NPAS3: variants seen among roughly 807,000 people sequenced by gnomAD.
The protein encoded by NPAS3 is neuronal PAS domain protein 3.
NPAS3 carries 14 observed loss-of-function variants against 73.1 expected under a neutral mutation model. That is an observed-to-expected ratio of 0.19 (90% CI 0.13 to 0.30). NPAS3 has a LOEUF of 0.30. Ranked by LOEUF, NPAS3 falls within the 10% of genes least tolerant of loss-of-function variation. The pLI is 1.00. For missense variants in NPAS3, 1,096 were observed against 1,250.0 expected (o/e 0.88, Z 1.86); for synonymous variants, 620 against 541.5 (o/e 1.14, Z -2.01).
intron 3 of NPAS3, among the ~76,000 whole-genome samples, chr14:33,356,924 T>C (rs2045363295): frequency 3.9e-5 from 6 of 152,306 alleles, no homozygotes; most frequent in Admixed American, 2.6e-4. Context: ...GTGAAAAGTA[T>C]AAAAATATTG....
chr14:33,386,791 T>G (rs1186469183), intron 4 of NPAS3, among the ~76,000 whole-genome samples: 1 of 152,214 alleles, frequency 6.6e-6, no homozygotes, highest in Non-Finnish European at 1.5e-5. Flanking sequence ...TGCAAGGTAA[T>G]GCCTAACAGT....
intron 2 of NPAS3, among the ~76,000 whole-genome samples, chr14:33,069,007 G>T (rs538822355): frequency 2.6e-5 from 4 of 152,128 alleles, no homozygotes; most frequent in Non-Finnish European, 5.9e-5. Flanking sequence ...GGAGGATTAT[G>T]AATTGAGGAG....
intron 7 of NPAS3, among the ~76,000 whole-genome samples, chr14:33,753,645 T>C (rs2062029976): frequency 6.6e-6 from 1 of 152,192 alleles, no homozygotes; most frequent in African/African-American, 2.4e-5. Context: ...GCCAATACCC[T>C]ACAAAGCAAG....
At chr14:33,488,704 T>C (rs1032647365) in intron 4 of NPAS3, among the ~76,000 whole-genome samples, 3 of 152,182 alleles carry the variant, frequency 2.0e-5, no homozygotes, top group Admixed American at 2.0e-4. Context: ...AGTTGGATGT[T>C]AGCCTGAGCT....
chr14:33,647,290 CTATA>C lies in NPAS3; in HGVS notation c.559-28906_559-28903del, dbSNP rs774453212. Among the ~76,000 whole-genome samples, 1,148 of 147,462 alleles carry C rather than the reference CTATA, an allele frequency of 7.8e-3. 15 individuals are homozygous for C. Among genetic ancestry groups the C allele is most frequent in the African/African-American group, 0.027 (1,051 of 39,090 alleles). On this transcript the variant is annotated intron_variant, in intron 5 of 11. Coordinates refer to ENST00000356141, the Ensembl canonical transcript of NPAS3. ...TCTTACTCTCTCTCTCTCTCTCTCTCTATATATATATATATATAGCCACATGATG... is the reference window on the plus strand; with the variant it reads ...TCTTACTCTCTCTCTCTCTCTCTCTCTATATATATATATAGCCACATGATG...
At chr14:33,038,536 T>TAC (rs1201321972) in intron 1 of NPAS3, among the ~76,000 whole-genome samples, 10 of 99,894 alleles carry the variant, frequency 1.0e-4, no homozygotes, top group Non-Finnish European at 1.5e-4. Flanking sequence ...CACACATATA[T>TAC]ACACATATAT....
chr14:33,118,299 T>A (rs1022171421), intron 2 of NPAS3, among the ~76,000 whole-genome samples: 11 of 152,018 alleles, frequency 7.2e-5, no homozygotes, highest in African/African-American at 2.7e-4. Flanking sequence ...AAAGTATACT[T>A]AAAAGGAAAA....
At chr14:33,489,095 T>A (rs563219237) in intron 4 of NPAS3, among the ~76,000 whole-genome samples, 27 of 152,124 alleles carry the variant, frequency 1.8e-4, no homozygotes, top group Non-Finnish European at 3.4e-4. Flanking sequence ...AGGGTTTTGG[T>A]TTTTTTTCTT....
chr14:33,581,201 C>G (rs751856577), intron 5 of NPAS3, among the ~76,000 whole-genome samples: 3 of 152,106 alleles, frequency 2.0e-5, no homozygotes, highest in Non-Finnish European at 4.4e-5. Flanking sequence ...AATGTGTTAT[C>G]CCCTTCATTT....
intron 2 of NPAS3, among the ~76,000 whole-genome samples, chr14:33,166,364 A>G (rs986947053): frequency 6.6e-6 from 1 of 152,110 alleles, no homozygotes; most frequent in Non-Finnish European, 1.5e-5. Context: ...GAAGCCTTCT[A>G]GTTTTTCCAT....
chr14:33,408,842 TC>T (rs1351198836), intron 4 of NPAS3, among the ~76,000 whole-genome samples: 2 of 152,140 alleles, frequency 1.3e-5, no homozygotes, highest in East Asian at 3.9e-4. Flanking sequence ...TGGTGATGTT[TC>T]ATAGCATGGC....
At chr14:33,374,708 G>T (rs200498817) in intron 4 of NPAS3, among the ~76,000 whole-genome samples, 1 of 148,682 alleles carries the variant, frequency 6.7e-6, no homozygotes, top group South Asian at 2.1e-4. Context: ...TCGGGGCGGG[G>T]GGGGGAGTAG....
chr14:32,991,477 G>T (rs2038333054), intron 1 of NPAS3, among the ~76,000 whole-genome samples: 1 of 152,036 alleles, frequency 6.6e-6, no homozygotes. Flanking sequence ...ACAAGGTAGT[G>T]GTCTCCTGGA....
At chr14:33,348,664 T>C (rs941220530) in intron 3 of NPAS3, among the ~76,000 whole-genome samples, 1 of 152,182 alleles carries the variant, frequency 6.6e-6, no homozygotes, top group Non-Finnish European at 1.5e-5. Flanking sequence ...AAAAGCTCCT[T>C]TGTTCACGTA....
At chr14:33,481,502 C>T (rs2051323457) in intron 4 of NPAS3, among the ~76,000 whole-genome samples, 1 of 152,170 alleles carries the variant, frequency 6.6e-6, no homozygotes, top group Non-Finnish European at 1.5e-5. Context: ...TTCTTCACCT[C>T]TCTAAGAGGA....
chr14:33,797,516 A>G, exon 11 of NPAS3: 1 of 1,614,194 alleles, frequency 6.2e-7, no homozygotes, highest in African/African-American at 1.3e-5. Context: ...CTGCCGGAGA[A>G]AACTTCCGAA....
At chr14:33,156,037 C>T (rs1314609872) in intron 2 of NPAS3, among the ~76,000 whole-genome samples, 1 of 151,916 alleles carries the variant, frequency 6.6e-6, no homozygotes, top group Non-Finnish European at 1.5e-5. Flanking sequence ...TGAACAAAGA[C>T]CAAGGGGGAG....
Position 33,444,889 on chromosome 14 carries a change from G to A in NPAS3, c.468+77621G>A, listed in dbSNP as rs140035439. On this transcript the variant is annotated intron_variant, in intron 4 of 11. Coordinates refer to ENST00000356141, the Ensembl canonical transcript of NPAS3. ...TCCCAACAGATAGTCTAATGCTTGA[G>A]GTTCCCTCATCATCATCTTATCATT... Among the ~76,000 whole-genome samples the A allele has an allele frequency of 9.8e-5, 15 of 152,308 alleles. No individual in the cohort carries two copies. The East Asian group carries it at 2.9e-3, about 29-fold the overall frequency.
intron 6 of NPAS3, among the ~76,000 whole-genome samples, chr14:33,713,346 T>C (rs965616655): frequency 6.6e-6 from 1 of 152,214 alleles, no homozygotes; most frequent in Non-Finnish European, 1.5e-5. Context: ...CTTAGTTAAG[T>C]TGGTAGCAAT....
Sources: allele counts gnomAD v4.1 joint callset (sites outside exome capture counted in the v4.1 genomes callset), GRCh38; gene constraint gnomAD v4.1.1; transcripts MANE v1.5; gene names NCBI Gene and HGNC (gene_info 2026-07-23, HGNC 2026-07-21).